ACYP2: variants seen among roughly 807,000 people sequenced by gnomAD.
ACYP2 encodes the protein acylphosphatase-2.
Under a neutral mutation model 11.2 loss-of-function variants are expected in ACYP2, and 12 were observed. The observed-to-expected ratio is 1.08, with a 90% confidence interval of 0.69 to 1.74. ACYP2 has a LOEUF of 1.74. Among genes scored for constraint, ACYP2 ranks in the 40% most tolerant of loss-of-function variants. The pLI is 0.00. For synonymous variants in ACYP2, 43 were observed against 32.2 expected (o/e 1.33, Z -1.13); for missense variants, 134 against 101.9 (o/e 1.31, Z -1.35).
chr2:54,284,648 T>G (rs1689002524), intron 6 of ACYP2, among the ~76,000 whole-genome samples: 1 of 152,202 alleles, frequency 6.6e-6, no homozygotes, highest in Non-Finnish European at 1.5e-5. Flanking sequence ...ACAATTGTTT[T>G]TTAAAAGATG....
chr2:54,125,138 A>G (rs1339641311), intron 4 of ACYP2, among the ~76,000 whole-genome samples: 1 of 152,184 alleles, frequency 6.6e-6, no homozygotes, highest in Admixed American at 6.5e-5. Flanking sequence ...TCAAAACAGT[A>G]TAGAAAAGCT....
intron 4 of ACYP2, among the ~76,000 whole-genome samples, chr2:54,092,123 G>T (rs149387070): frequency 5.1e-4 from 77 of 152,264 alleles, no homozygotes; most frequent in African/African-American, 1.9e-3. Flanking sequence ...GTACTGGATG[G>T]TTGAAGAAGA....
intron 4 of ACYP2, among the ~76,000 whole-genome samples, chr2:54,088,245 C>A (rs1678042187): frequency 6.6e-6 from 1 of 152,106 alleles, no homozygotes; most frequent in African/African-American, 2.4e-5. Context: ...TCAGAAGAGG[C>A]CCAGAGAGAG....
At chr2:54,293,088 C>T (rs917041767) in intron 6 of ACYP2, among the ~76,000 whole-genome samples, 1 of 152,134 alleles carries the variant, frequency 6.6e-6, no homozygotes, top group Admixed American at 6.5e-5. Flanking sequence ...TTAATCGTCA[C>T]CGCAACTCTG....
intron 2 of ACYP2, among the ~76,000 whole-genome samples, chr2:53,981,082 A>G (rs1184615747): frequency 2.6e-5 from 4 of 151,950 alleles, no homozygotes; most frequent in African/African-American, 9.7e-5. Context: ...TTTATACTGT[A>G]TTTTTACTGC....
intron 6 of ACYP2, among the ~76,000 whole-genome samples, chr2:54,156,007 T>C (rs552404543): frequency 2.4e-4 from 37 of 152,306 alleles, no homozygotes; most frequent in African/African-American, 8.2e-4. Context: ...ATATTTTTCA[T>C]TTATTAAACA....
At chr2:54,233,335 C>T (rs944695444) in intron 6 of ACYP2, among the ~76,000 whole-genome samples, 13 of 132,772 alleles carry the variant, frequency 9.8e-5, no homozygotes, top group African/African-American at 3.9e-4. Context: ...GAGACAGGGT[C>T]TCACACTGTG....
intron 6 of ACYP2, among the ~76,000 whole-genome samples, chr2:54,154,428 T>C (rs1682341936): frequency 6.6e-6 from 1 of 152,234 alleles, no homozygotes. Flanking sequence ...GGGCTTTTCA[T>C]ATATGGCCTT....
At chr2:54,038,676 T>TATAC (rs1225775160) in intron 2 of ACYP2, among the ~76,000 whole-genome samples, 7 of 21,472 alleles carry the variant, frequency 3.3e-4, no homozygotes, top group Non-Finnish European at 6.9e-4. Flanking sequence ...TTGAATACTA[T>TATAC]ATATATATAT....
At chr2:54,125,460 T>C (rs76528417) in intron 4 of ACYP2, among the ~76,000 whole-genome samples, 7,836 of 152,240 alleles carry the variant, frequency 0.051, 628 homozygotes, top group African/African-American at 0.17. Flanking sequence ...TTTAAAATAC[T>C]AATTTTTGGC....
intron 6 of ACYP2, among the ~76,000 whole-genome samples, chr2:54,293,233 C>G (rs1689387188): frequency 6.6e-6 from 1 of 152,176 alleles, no homozygotes; most frequent in Non-Finnish European, 1.5e-5. Context: ...CATCCATTAC[C>G]ACTGTGCCAG....
chr2:53,996,189 T>C (rs945131572), intron 2 of ACYP2, among the ~76,000 whole-genome samples: 3 of 151,896 alleles, frequency 2.0e-5, no homozygotes, highest in Non-Finnish European at 4.4e-5. Flanking sequence ...CTAGGCATAG[T>C]TGGTTCTAAG....
intron 6 of ACYP2, among the ~76,000 whole-genome samples, chr2:54,198,419 G>T (rs1359715168): frequency 6.6e-6 from 1 of 152,000 alleles, no homozygotes; most frequent in African/African-American, 2.4e-5. Flanking sequence ...CTATCATATG[G>T]TTCCCACAGG....
At chr2:54,163,542 A>G (rs1682819545) in intron 6 of ACYP2, among the ~76,000 whole-genome samples, 1 of 152,232 alleles carries the variant, frequency 6.6e-6, no homozygotes, top group Non-Finnish European at 1.5e-5. Flanking sequence ...AATTTCAGAC[A>G]AAAAGAAGTG....
At chr2:54,164,345 TC>T (rs1446831727) in intron 6 of ACYP2, among the ~76,000 whole-genome samples, 1 of 152,142 alleles carries the variant, frequency 6.6e-6, no homozygotes, top group African/African-American at 2.4e-5. Flanking sequence ...TTTGACTTAG[TC>T]CCTTGTGCAC....
At chr2:54,128,890 AG>A (rs1680718922) in intron 4 of ACYP2, among the ~76,000 whole-genome samples, 1 of 152,124 alleles carries the variant, frequency 6.6e-6, no homozygotes, top group African/African-American at 2.4e-5. Flanking sequence ...CAAAACACTG[AG>A]GGCAGATCTT....
rs7570310 is a variant in ACYP2, at chr2:54,007,161, A to G, written c.62+33351A>G. ...GTCAAAAAAAAAAAAAAAAAAAAAA[A>G]AAAGAAAGAAAGAAAGAAAGAAAAA... On this transcript the variant is annotated intron_variant, in intron 2 of 6. Transcript: ENST00000607452. Among the ~76,000 whole-genome samples the G allele has an allele frequency of 3.5e-3, 500 of 141,150 alleles. 2 individuals carry two copies. The highest frequency in any genetic ancestry group is 0.011 in the African/African-American group (421 of 37,444). 92.6% of individuals were successfully genotyped at this position (141,150 alleles called of 152,430 possible). A position where few individuals can be genotyped will look rare whatever the true frequency, so the allele number is the denominator to read the frequency against.
intron 4 of ACYP2, among the ~76,000 whole-genome samples, chr2:54,070,744 T>TG (rs1275019688): frequency 6.6e-6 from 1 of 151,912 alleles, no homozygotes; most frequent in Non-Finnish European, 1.5e-5. Flanking sequence ...TTTTTTTTTT[T>TG]TTTTTGGTGG....
chr2:54,185,871 G>A (rs573572557), intron 6 of ACYP2, among the ~76,000 whole-genome samples: 84 of 152,128 alleles, frequency 5.5e-4, no homozygotes, highest in African/African-American at 1.7e-3. Context: ...GTGTAGGATC[G>A]TCTTGAAGTA....
Sources: gnomAD v4.1 joint callset for allele counts (sites outside exome capture counted in the v4.1 genomes callset) on GRCh38, gnomAD v4.1.1 for gene constraint, MANE v1.5 for transcripts, NCBI Gene and HGNC (gene_info 2026-07-23, HGNC 2026-07-21) for gene names.